The following MALRD1 variants were observed in gnomAD, a reference collection of about 807,000 sequenced individuals.
MALRD1 encodes MAM and LDL receptor class A domain containing 1.
In MALRD1, 247 loss-of-function variants were observed where a neutral mutation model predicts 242.1. The ratio of observed to expected loss-of-function variants is 1.02; its 90% confidence interval spans 0.92 to 1.13. MALRD1 has a LOEUF of 1.13. Among genes scored for constraint, MALRD1 ranks in the 50% most tolerant of loss-of-function variants. The probability of loss-of-function intolerance (pLI) is 0.00; values close to 1 mark genes in which losing one functional copy is unlikely to be tolerated. For missense variants in MALRD1, 2,989 were observed against 2,533.1 expected (o/e 1.18, Z -3.86); for synonymous variants, 995 against 866.6 (o/e 1.15, Z -2.60).
intron 18 of MALRD1, among the ~76,000 whole-genome samples, chr10:19,221,431 C>G (rs1837551117): frequency 6.6e-6 from 1 of 152,176 alleles, no homozygotes; most frequent in Non-Finnish European, 1.5e-5. Context: ...GTGAGCAACA[C>G]TCAGATTTGT....
chr10:19,235,185 C>G (rs74480380), intron 18 of MALRD1, among the ~76,000 whole-genome samples: 2,478 of 152,186 alleles, frequency 0.016, 71 homozygotes, highest in African/African-American at 0.056. Context: ...TTTAGATAGG[C>G]CGCTCTTTTG....
chr10:19,297,942 AT>A (rs1346729201), intron 21 of MALRD1, among the ~76,000 whole-genome samples: 1 of 152,028 alleles, frequency 6.6e-6, no homozygotes, highest in Non-Finnish European at 1.5e-5. Context: ...ATAATAAATG[AT>A]TATTTTATTA....
intron 2 of MALRD1, among the ~76,000 whole-genome samples, chr10:19,075,262 C>G (rs540168455): frequency 6.6e-6 from 1 of 152,118 alleles, no homozygotes; most frequent in South Asian, 2.1e-4. Flanking sequence ...TTCCTATCCT[C>G]TGGTTATTCA....
rs564986759 is a variant in MALRD1, at chr10:19,396,570, A to G, written c.4845+6961A>G. On this transcript the variant is annotated intron_variant, in intron 28 of 39. Coordinates refer to ENST00000454679, the MANE Select transcript of MALRD1 (RefSeq NM_001142308.3). The stretch of plus-strand genomic sequence containing the variant: ...TGAAGACCCATGTCACATAAAAATT[A>G]TGTTGAATAATCAGGATTAAAAAAC... Among the ~76,000 whole-genome samples, 9 of 152,340 alleles carry G rather than the reference A, an allele frequency of 5.9e-5. No individual in the cohort carries two copies. The South Asian group carries it at 1.9e-3, about 32-fold the overall frequency.
At chr10:19,520,888 G>A (rs1044660424) in intron 31 of MALRD1, among the ~76,000 whole-genome samples, 2 of 152,122 alleles carry the variant, frequency 1.3e-5, no homozygotes, top group Admixed American at 1.3e-4. Context: ...TCATCCACAT[G>A]TACCATCTGA....
At chr10:19,299,180 C>T (rs1358774608) in intron 21 of MALRD1, among the ~76,000 whole-genome samples, 1 of 151,764 alleles carries the variant, frequency 6.6e-6, no homozygotes, top group Non-Finnish European at 1.5e-5. Flanking sequence ...TATTGATGGA[C>T]TTATAATATG....
chr10:19,136,922 A>G (rs776448910), intron 10 of MALRD1, 141 bp downstream of exon 10: 83 of 513,008 alleles, frequency 1.6e-4, no homozygotes, highest in Non-Finnish European at 2.3e-4. Context: ...CTCTGAAACT[A>G]TTAGTACTAT....
At chr10:19,463,887 T>A (rs1347696637) in intron 29 of MALRD1, among the ~76,000 whole-genome samples, 1 of 152,182 alleles carries the variant, frequency 6.6e-6, no homozygotes, top group African/African-American at 2.4e-5. Flanking sequence ...TATTATTTTT[T>A]GATTTTTTGA....
chr10:19,125,322 CTTCT>C (rs1200202607), intron 7 of MALRD1, among the ~76,000 whole-genome samples: 1,026 of 63,322 alleles, frequency 0.016, 19 homozygotes, highest in East Asian at 0.044. Flanking sequence ...TCCTTCCTTC[CTTCT>C]TTCTTTCTTT....
At position 19,053,826 on chromosome 10, in the gene MALRD1, G is replaced by T. The variant is rs535022721; in HGVS notation, c.199+4689G>T. On this transcript the variant is annotated intron_variant, in intron 1 of 39. Transcript: ENST00000454679. ...AAAAAAACCTGTGCATTAAAAAAAA[G>T]AAAATAAGTTCTTATTTTACATGAA... Among the ~76,000 whole-genome samples the T allele has an allele frequency of 7.3e-5, 11 of 151,552 alleles. No individual in the cohort carries two copies. In the South Asian group the frequency reaches 2.3e-3, roughly 32 times the overall value.
chr10:19,320,610 G>A (rs1285694427), intron 21 of MALRD1, among the ~76,000 whole-genome samples: 2 of 152,014 alleles, frequency 1.3e-5, no homozygotes, highest in Non-Finnish European at 2.9e-5. Flanking sequence ...TGGGTCAAAT[G>A]GTATTTCTAG....
intron 28 of MALRD1, among the ~76,000 whole-genome samples, chr10:19,417,562 G>A (rs1833558078): frequency 6.6e-6 from 1 of 151,988 alleles, no homozygotes; most frequent in African/African-American, 2.4e-5. Context: ...ACAGCTTTAG[G>A]CAGTGAAACA....
rs147142694 is a variant in MALRD1 at position 19,642,902 on chromosome 10, C to A, written c.6137+26979C>A. 6.1e-3 allele frequency among the ~76,000 whole-genome samples: 928 copies of A among 152,204 alleles called. 11 individuals carry two copies. Among genetic ancestry groups the A allele is most frequent in the East Asian group, 0.059 (306 of 5,174 alleles). On this transcript the variant is annotated intron_variant, in intron 36 of 39. Transcript: ENST00000454679. ...GGGAGTAGATGCTGATAGGCATGAGCAAACAAAGGGATTATTACCACTGGC... is the reference window on the plus strand; with the variant it reads ...GGGAGTAGATGCTGATAGGCATGAGAAAACAAAGGGATTATTACCACTGGC...
chr10:19,267,203 G>T (rs772478619), intron 19 of MALRD1, among the ~76,000 whole-genome samples: 18 of 151,802 alleles, frequency 1.2e-4, no homozygotes, highest in African/African-American at 4.4e-4. Context: ...ATATCAGCAT[G>T]CACATTAGAA....
At chr10:19,373,399 A>C (rs1436778197) in intron 26 of MALRD1, among the ~76,000 whole-genome samples, 1 of 151,932 alleles carries the variant, frequency 6.6e-6, no homozygotes, top group African/African-American at 2.4e-5. Context: ...GGTGCCTGTA[A>C]TTCCAGCTAC....
At chr10:19,054,073 G>A (rs951123275) in intron 1 of MALRD1, among the ~76,000 whole-genome samples, 1 of 151,952 alleles carries the variant, frequency 6.6e-6, no homozygotes, top group Non-Finnish European at 1.5e-5. Context: ...CTTATCAAGG[G>A]AAATATAAGT....
intron 18 of MALRD1, among the ~76,000 whole-genome samples, chr10:19,230,962 A>G (rs1838032167): frequency 1.3e-5 from 2 of 152,174 alleles, no homozygotes; most frequent in South Asian, 2.1e-4. Context: ...TTTCCCATGA[A>G]TAATTGGTTG....
chr10:19,359,815 A>T (rs1844812430), intron 26 of MALRD1, among the ~76,000 whole-genome samples: 1 of 152,096 alleles, frequency 6.6e-6, no homozygotes, highest in Non-Finnish European at 1.5e-5. Context: ...ATTCACTACC[A>T]AGTTTATTTA....
chr10:19,595,663 T>A (rs1284868181), intron 34 of MALRD1, among the ~76,000 whole-genome samples: 2 of 152,158 alleles, frequency 1.3e-5, no homozygotes, highest in African/African-American at 4.8e-5. Context: ...TCATGCTAAT[T>A]TTTGTTAAAC....
Sources: gnomAD v4.1 joint callset for allele counts (sites outside exome capture counted in the v4.1 genomes callset) on GRCh38, gnomAD v4.1.1 for gene constraint, MANE v1.5 for transcripts, NCBI Gene and HGNC (gene_info 2026-07-23, HGNC 2026-07-21) for gene names.